The following VEPH1 variants were observed in gnomAD, a reference collection of about 807,000 sequenced individuals.
VEPH1 encodes the protein ventricular zone-expressed PH domain-containing protein homolog 1.
Under a neutral mutation model 85.2 loss-of-function variants are expected in VEPH1, and 80 were observed. The ratio of observed to expected loss-of-function variants is 0.94; its 90% confidence interval spans 0.78 to 1.13. The LOEUF is 1.13. Among genes scored for constraint, VEPH1 ranks in the 50% most tolerant of loss-of-function variants. The pLI is 0.00. For missense variants in VEPH1, 955 were observed against 980.5 expected (o/e 0.97, Z 0.35); for synonymous variants, 297 against 348.0 (o/e 0.85, Z 1.63).
chr3:157,333,527 A>G (rs1722685969), intron 9 of VEPH1, among the ~76,000 whole-genome samples: 1 of 152,222 alleles, frequency 6.6e-6, no homozygotes, highest in Non-Finnish European at 1.5e-5. Flanking sequence ...TTTAAATCAA[A>G]TACACACACA....
chr3:157,324,430 C>A (rs554810955), intron 9 of VEPH1, among the ~76,000 whole-genome samples: 37 of 152,194 alleles, frequency 2.4e-4, no homozygotes, highest in African/African-American at 8.9e-4. Context: ...CTGCAGAGGT[C>A]ATCCCATCAC....
intron 2 of VEPH1, chr3:157,493,206 G>A (rs1307270063): frequency 8.8e-6 from 4 of 455,668 alleles, no homozygotes; most frequent in South Asian, 4.7e-5. Context: ...ATCATTGCAA[G>A]TGCAGGAGAA....
At chr3:157,284,291 A>C (rs1315834219) in intron 12 of VEPH1, among the ~76,000 whole-genome samples, 1 of 152,100 alleles carries the variant, frequency 6.6e-6, no homozygotes, top group Non-Finnish European at 1.5e-5. Flanking sequence ...TTTCGAATAC[A>C]CCTTTTGGCT....
In VEPH1 at chr3:157,369,193, A is replaced by AAAAAAAAAAAAAAAAAAAAAC. The variant is rs1553773125; in HGVS notation, c.1128-4682_1128-4681insGTTTTTTTTTTTTTTTTTTTT. On this transcript the variant is annotated intron_variant, in intron 7 of 13. Transcript: ENST00000362010. Reference sequence around the variant, plus strand: ...CAAAAACCAAATGAAAAAAAAAAAAAAAAAAAAAAAACCTCCTGAGGTCTA... The same window carrying AAAAAAAAAAAAAAAAAAAAAC: ...CAAAAACCAAATGAAAAAAAAAAAAAAAAAAAAAAAAAAAAAAAAACAAAAAAAAAAACCTCCTGAGGTCTA... Among the ~76,000 whole-genome samples the AAAAAAAAAAAAAAAAAAAAAC allele has an allele frequency of 1.1e-4, 16 of 140,628 alleles. 1 individual carries two copies. The highest frequency in any genetic ancestry group is 2.5e-4 in the South Asian group (1 of 3,960). 92.3% of individuals were successfully genotyped at this position (140,628 alleles called of 152,430 possible).
intron 4 of VEPH1, among the ~76,000 whole-genome samples, chr3:157,457,640 T>C (rs1197901296): frequency 2.6e-5 from 4 of 151,784 alleles, no homozygotes; most frequent in African/African-American, 9.7e-5. Flanking sequence ...TGGATTTGTC[T>C]TTAGTTGTGT....
chr3:157,438,030 C>CGG, intron 4 of VEPH1: 1 of 817,920 alleles, frequency 1.2e-6, no homozygotes, highest in Non-Finnish European at 1.8e-6. Context: ...AGCGCGCGCG[C>CGG]GCGCGCGCAC....
At chr3:157,403,832 C>A (rs940681015) in intron 6 of VEPH1, among the ~76,000 whole-genome samples, 2 of 152,042 alleles carry the variant, frequency 1.3e-5, no homozygotes, top group African/African-American at 4.8e-5. Context: ...AGTATATATG[C>A]GGGCATGTCT....
intron 4 of VEPH1, among the ~76,000 whole-genome samples, chr3:157,450,720 T>G (rs1734905389): frequency 1.3e-5 from 2 of 152,126 alleles, no homozygotes; most frequent in African/African-American, 2.4e-5. Context: ...TACTTTTTAC[T>G]AATCACATGA....
intron 11 of VEPH1, among the ~76,000 whole-genome samples, chr3:157,303,618 C>T (rs1719084049): frequency 6.6e-6 from 1 of 152,146 alleles, no homozygotes; most frequent in Admixed American, 6.6e-5. Context: ...CAAAGAGTGT[C>T]CCAGACATTT....
chr3:157,454,604 T>C (rs921802179), intron 4 of VEPH1, among the ~76,000 whole-genome samples: 15 of 152,190 alleles, frequency 9.9e-5, no homozygotes, highest in Non-Finnish European at 1.6e-4. Flanking sequence ...ATCTATTTTA[T>C]TTTAGTTTTT....
At chr3:157,456,604 T>C (rs937808109) in intron 4 of VEPH1, among the ~76,000 whole-genome samples, 7 of 152,116 alleles carry the variant, frequency 4.6e-5, no homozygotes, top group Non-Finnish European at 1.0e-4. Context: ...AGGCAGTTAT[T>C]CCAGCACCTT....
intron 7 of VEPH1, among the ~76,000 whole-genome samples, chr3:157,373,086 C>T (rs1727694902): frequency 6.6e-6 from 1 of 152,170 alleles, no homozygotes; most frequent in Admixed American, 6.5e-5. Flanking sequence ...CTCACACAAT[C>T]AAGGGAGGCT....
intron 4 of VEPH1, chr3:157,437,516 C>A (rs1241223044): frequency 6.2e-7 from 1 of 1,604,616 alleles, no homozygotes; most frequent in Admixed American, 1.7e-5. Context: ...ACTCTAGCCA[C>A]GCCGTGCGCC....
intron 10 of VEPH1, 39 bp downstream of exon 10, chr3:157,317,023 A>G: frequency 6.3e-7 from 1 of 1,585,764 alleles, no homozygotes; most frequent in South Asian, 1.2e-5. Flanking sequence ...ATATCCCAGA[A>G]GCTCATTAAA....
chr3:157,429,587 G>A (rs1189122281), intron 4 of VEPH1, among the ~76,000 whole-genome samples: 1 of 152,128 alleles, frequency 6.6e-6, no homozygotes, highest in Non-Finnish European at 1.5e-5. Flanking sequence ...TCTAAAACAG[G>A]TTTTATCATG....
intron 5 of VEPH1, among the ~76,000 whole-genome samples, chr3:157,423,234 C>T (rs149959839): frequency 1.3e-5 from 2 of 152,294 alleles, no homozygotes; most frequent in East Asian, 3.9e-4. Context: ...CTGAAAGAAA[C>T]AGTCGTGCAA....
intron 13 of VEPH1, 30 bp downstream of exon 13, chr3:157,265,496 G>C: frequency 4.4e-6 from 7 of 1,601,528 alleles, no homozygotes; most frequent in South Asian, 1.1e-5. Context: ...CCTTAAAAAT[G>C]CAAGTGTAAA....
chr3:157,280,327 A>C (rs1262584522), intron 12 of VEPH1, among the ~76,000 whole-genome samples: 1 of 152,100 alleles, frequency 6.6e-6, no homozygotes, highest in Non-Finnish European at 1.5e-5. Flanking sequence ...CTCTATGTGG[A>C]AAAGGACACA....
intron 4 of VEPH1, among the ~76,000 whole-genome samples, chr3:157,440,398 G>A (rs2109222991): frequency 6.6e-6 from 1 of 152,206 alleles, no homozygotes; most frequent in African/African-American, 2.4e-5. Flanking sequence ...TGAGCCACTT[G>A]TAGGAATCTG....
Sources: allele counts gnomAD v4.1 joint callset (sites outside exome capture counted in the v4.1 genomes callset), GRCh38; gene constraint gnomAD v4.1.1; transcripts MANE v1.5; gene names NCBI Gene and HGNC (gene_info 2026-07-23, HGNC 2026-07-21).